RBFOX1: variants seen among roughly 807,000 people sequenced by gnomAD.
The protein encoded by RBFOX1 is RNA binding fox-1 homolog 1.
A neutral mutation model predicts 57.7 loss-of-function variants in RBFOX1; 8 were observed. The observed-to-expected ratio is 0.14, with a 90% CI of 0.08 to 0.25. RBFOX1 has a LOEUF of 0.25. Ranked by LOEUF, RBFOX1 falls within the 10% of genes least tolerant of loss-of-function variation. RBFOX1 has a pLI of 1.00. For synonymous variants in RBFOX1, 326 were observed against 222.4 expected (o/e 1.47, Z -4.15); for missense variants, 611 against 548.5 (o/e 1.11, Z -1.14).
chr16:7,691,946 T>A (rs2077441564), intron 14 of RBFOX1, among the ~76,000 whole-genome samples: 1 of 152,188 alleles, frequency 6.6e-6, no homozygotes, highest in Non-Finnish European at 1.5e-5. Flanking sequence ...GCCTGTTTTG[T>A]GCAGCCCAGA....
At chr16:5,867,802 C>G (rs996870664) in intron 4 of RBFOX1, among the ~76,000 whole-genome samples, 3 of 152,076 alleles carry the variant, frequency 2.0e-5, no homozygotes, top group African/African-American at 4.8e-5. Flanking sequence ...ACCTCCGCCT[C>G]CCGGGTTCAA....
chr16:7,703,457 G>T (rs2081418103), intron 14 of RBFOX1, among the ~76,000 whole-genome samples: 1 of 152,126 alleles, frequency 6.6e-6, no homozygotes, highest in African/African-American at 2.4e-5. Flanking sequence ...CTATCTCTGG[G>T]GTGAGAAGCA....
chr16:6,105,360 A>C (rs2096365788), intron 1 of RBFOX1, among the ~76,000 whole-genome samples: 1 of 152,184 alleles, frequency 6.6e-6, no homozygotes, highest in Non-Finnish European at 1.5e-5. Context: ...CGTGACTCAA[A>C]CTGTGACAAT....
chr16:6,662,535 A>G (rs529003290), intron 3 of RBFOX1, among the ~76,000 whole-genome samples: 25 of 152,312 alleles, frequency 1.6e-4, no homozygotes, highest in African/African-American at 5.8e-4. Flanking sequence ...GTGGCAAATG[A>G]GGTACCTTCA....
At chr16:7,148,346 C>T (rs2075439136) in intron 4 of RBFOX1, among the ~76,000 whole-genome samples, 2 of 152,188 alleles carry the variant, frequency 1.3e-5, no homozygotes, top group African/African-American at 4.8e-5. Flanking sequence ...CTGATTTTAG[C>T]ATCTATACAG....
chr16:6,343,501 C>T (rs145039332), intron 2 of RBFOX1, among the ~76,000 whole-genome samples: 13 of 152,322 alleles, frequency 8.5e-5, no homozygotes, highest in East Asian at 3.9e-4. Flanking sequence ...CTTCTTATCC[C>T]TCCTGAGGTG....
intron 3 of RBFOX1, among the ~76,000 whole-genome samples, chr16:5,628,164 G>C (rs2048398908): frequency 6.6e-6 from 1 of 152,086 alleles, no homozygotes; most frequent in South Asian, 2.1e-4. Context: ...TCTGGCATTG[G>C]GTAGATACCC....
At chr16:6,841,692 G>A (rs1329595867) in intron 3 of RBFOX1, among the ~76,000 whole-genome samples, 1 of 152,044 alleles carries the variant, frequency 6.6e-6, no homozygotes, top group African/African-American at 2.4e-5. Flanking sequence ...GAAAATGATG[G>A]AGGCATTGTC....
intron 2 of RBFOX1, among the ~76,000 whole-genome samples, chr16:6,319,324 T>A (rs2081483785): frequency 6.6e-6 from 1 of 152,200 alleles, no homozygotes; most frequent in African/African-American, 2.4e-5. Context: ...TTTTCCAGAA[T>A]GTTTCCTTTG....
chr16:7,087,183 G>A (rs1455793905), intron 4 of RBFOX1, among the ~76,000 whole-genome samples: 1 of 152,146 alleles, frequency 6.6e-6, no homozygotes, highest in Admixed American at 6.5e-5. Context: ...TGCTGCACAT[G>A]TTCTTTTCTC....
chr16:5,618,475 C>G (rs1345313309), intron 3 of RBFOX1, among the ~76,000 whole-genome samples: 2 of 152,074 alleles, frequency 1.3e-5, no homozygotes, highest in African/African-American at 4.8e-5. Flanking sequence ...GTAGCTGGGA[C>G]TACAGGCGCC....
intron 3 of RBFOX1, among the ~76,000 whole-genome samples, chr16:6,916,415 C>A (rs542758539): frequency 6.6e-6 from 1 of 151,998 alleles, no homozygotes; most frequent in Non-Finnish European, 1.5e-5. Flanking sequence ...TTGAATATAT[C>A]CCTAGGTGTG....
chr16:6,248,044 C>T (rs992369939), intron 1 of RBFOX1, among the ~76,000 whole-genome samples: 4 of 152,126 alleles, frequency 2.6e-5, no homozygotes, highest in Non-Finnish European at 4.4e-5. Flanking sequence ...TACAAAAGGC[C>T]ACTGTTCAGA....
chr16:6,146,860 C>T (rs886352030), intron 1 of RBFOX1, among the ~76,000 whole-genome samples: 4 of 152,132 alleles, frequency 2.6e-5, no homozygotes, highest in African/African-American at 7.2e-5. Flanking sequence ...GAAACATGGG[C>T]AGTAAAACTG....
intron 2 of RBFOX1, 113 bp downstream of exon 2, chr16:6,317,170 G>A: frequency 4.0e-6 from 4 of 991,628 alleles, no homozygotes; most frequent in Non-Finnish European, 1.5e-6. Flanking sequence ...AAACTTTGCT[G>A]CCTGCCTATG....
At chr16:7,399,995 G>A (rs4787012) in intron 4 of RBFOX1, among the ~76,000 whole-genome samples, 119,996 of 152,110 alleles carry the variant, frequency 0.79, 47,465 homozygotes, top group Admixed American at 0.82. Flanking sequence ...ATATTTTAAA[G>A]TTTTATCTTA....
At chr16:6,403,742 A>C (rs575595302) in intron 2 of RBFOX1, among the ~76,000 whole-genome samples, 8 of 152,310 alleles carry the variant, frequency 5.3e-5, no homozygotes, top group African/African-American at 1.4e-4. Context: ...CTGTGGAGGC[A>C]TCGAGCCCTA....
intron 3 of RBFOX1, chr16:6,705,059 C>T (rs746884849): frequency 6.6e-6 from 1 of 152,084 alleles, no homozygotes; most frequent in Non-Finnish European, 1.5e-5. Flanking sequence ...ACCAGATGCA[C>T]TAAGCAGCTT....
chr16:7,332,147 G>C (rs1468422133), intron 4 of RBFOX1, among the ~76,000 whole-genome samples: 1 of 152,164 alleles, frequency 6.6e-6, no homozygotes, highest in Non-Finnish European at 1.5e-5. Flanking sequence ...GTTAGGAATC[G>C]GGCTCTGGAA....
Sources: gnomAD v4.1 joint callset for allele counts (sites outside exome capture counted in the v4.1 genomes callset) on GRCh38, gnomAD v4.1.1 for gene constraint, MANE v1.5 for transcripts, NCBI Gene and HGNC (gene_info 2026-07-23, HGNC 2026-07-21) for gene names.